SRBD1: variants seen among roughly 807,000 people sequenced by gnomAD.
SRBD1 encodes S1 RNA-binding domain-containing protein 1.
In SRBD1, 88 loss-of-function variants were observed where a neutral mutation model predicts 115.3. The ratio of observed to expected loss-of-function variants is 0.76; its 90% confidence interval spans 0.64 to 0.91. The LOEUF (loss-of-function observed/expected upper bound fraction) is 0.91, where lower values mean the gene tolerates loss of function less well. SRBD1 is among the 40% of genes least tolerant of loss of function. SRBD1 has a pLI of 0.00. For missense variants in SRBD1, 1,385 were observed against 1,177.4 expected (o/e 1.18, Z -2.58); for synonymous variants, 509 against 407.7 (o/e 1.25, Z -2.99).
intron 14 of SRBD1, among the ~76,000 whole-genome samples, chr2:45,541,571 C>T (rs765095719): frequency 2.0e-5 from 3 of 152,232 alleles, no homozygotes; most frequent in East Asian, 1.9e-4. Flanking sequence ...AGACCCAAAG[C>T]GGGCAGCTCC....
chr2:45,420,236 T>G (rs1001781720), intron 16 of SRBD1, among the ~76,000 whole-genome samples: 1 of 152,190 alleles, frequency 6.6e-6, no homozygotes, highest in South Asian at 2.1e-4. Context: ...TCAGTAGGTC[T>G]AGGGTGGGGT....
chr2:45,420,443 A>C (rs2103636277), intron 16 of SRBD1, among the ~76,000 whole-genome samples: 1 of 152,346 alleles, frequency 6.6e-6, no homozygotes, highest in South Asian at 2.1e-4. Context: ...TGTTTATATG[A>C]AGCACCATTT....
At chr2:45,554,620 T>G (rs528570353) in intron 10 of SRBD1, among the ~76,000 whole-genome samples, 4 of 152,116 alleles carry the variant, frequency 2.6e-5, no homozygotes, top group Admixed American at 1.3e-4. Context: ...GGGGAAAGAA[T>G]AGAAGAGAAA....
chr2:45,591,422 T>G (rs2104219634), intron 4 of SRBD1, among the ~76,000 whole-genome samples: 1 of 152,326 alleles, frequency 6.6e-6, no homozygotes, highest in East Asian at 1.9e-4. Flanking sequence ...GAGACTGATT[T>G]GAGTAATACT....
rs577521183 is a variant in SRBD1, at chr2:45,581,676, T to C, written c.933+17A>G. 1.3e-6 allele frequency: 2 copies of C among 1,593,304 alleles called. No individual in the cohort carries two copies. Among genetic ancestry groups the C allele is most frequent in the Non-Finnish European group, 1.7e-6 (2 of 1,166,680 alleles). On this transcript the variant is annotated intron_variant, in intron 6 of 20. Coordinates refer to ENST00000263736, the MANE Select transcript of SRBD1 (RefSeq NM_018079.5). ...TATATTCAGGTATTACATTAAAAGA[T>C]AAAAAGGATTCCTTACCACGTGTTC...
At chr2:45,574,316 C>T (rs954477705) in intron 8 of SRBD1, among the ~76,000 whole-genome samples, 1 of 152,158 alleles carries the variant, frequency 6.6e-6, no homozygotes, top group African/African-American at 2.4e-5. Context: ...CTCTAAAGGA[C>T]ATGAATCTCT....
intron 4 of SRBD1, among the ~76,000 whole-genome samples, chr2:45,588,828 G>A (rs1673628770): frequency 1.3e-5 from 2 of 152,228 alleles, no homozygotes; most frequent in South Asian, 4.1e-4. Flanking sequence ...TAAGAGAATA[G>A]TAGATTGTTT....
At chr2:45,394,637 C>T (rs1667094799) in intron 19 of SRBD1, among the ~76,000 whole-genome samples, 1 of 152,162 alleles carries the variant, frequency 6.6e-6, no homozygotes, top group Non-Finnish European at 1.5e-5. Context: ...AGAAAGGTCT[C>T]TTCACAGTGA....
At chr2:45,606,507 T>C (rs560473117) in intron 1 of SRBD1, among the ~76,000 whole-genome samples, 1 of 152,184 alleles carries the variant, frequency 6.6e-6, no homozygotes, top group Non-Finnish European at 1.5e-5. Context: ...TCTACAAAGT[T>C]GGCAATGAAA....
intron 14 of SRBD1, among the ~76,000 whole-genome samples, chr2:45,493,877 G>C (rs561386567): frequency 6.6e-6 from 1 of 151,552 alleles, no homozygotes; most frequent in African/African-American, 2.4e-5. Context: ...GAAACAAGCA[G>C]AATCATGTCC....
At chr2:45,493,056 T>C (rs1670347667) in intron 14 of SRBD1, among the ~76,000 whole-genome samples, 1 of 152,190 alleles carries the variant, frequency 6.6e-6, no homozygotes, top group Non-Finnish European at 1.5e-5. Flanking sequence ...TACAAATATC[T>C]AGCATCTTCC....
intron 11 of SRBD1, 68 bp downstream of exon 11, chr2:45,553,555 C>T (rs1558473997): frequency 3.1e-6 from 3 of 971,596 alleles, no homozygotes; most frequent in South Asian, 2.4e-5. Flanking sequence ...ATTAGCTACA[C>T]ACTGTAATGG....
intron 9 of SRBD1, among the ~76,000 whole-genome samples, chr2:45,564,207 C>T (rs1191043212): frequency 6.6e-6 from 1 of 152,134 alleles, no homozygotes; most frequent in Non-Finnish European, 1.5e-5. Flanking sequence ...ATGATCATCT[C>T]AATAGATGTG....
intron 4 of SRBD1, 85 bp downstream of exon 4, chr2:45,599,364 C>T (rs1674013370): frequency 6.7e-7 from 1 of 1,495,384 alleles, no homozygotes; most frequent in Non-Finnish European, 8.9e-7. Flanking sequence ...AACCCCCAGC[C>T]CTTCCCTTAG....
At chr2:45,451,773 A>T (rs1343863098) in intron 16 of SRBD1, among the ~76,000 whole-genome samples, 3 of 151,822 alleles carry the variant, frequency 2.0e-5, no homozygotes, top group Non-Finnish European at 4.4e-5. Context: ...AGTTCATGTA[A>T]ATGATGGCTC....
At chr2:45,486,615 C>T (rs980542113) in intron 15 of SRBD1, among the ~76,000 whole-genome samples, 4 of 151,928 alleles carry the variant, frequency 2.6e-5, no homozygotes, top group African/African-American at 9.7e-5. Flanking sequence ...CGCCTGTAGT[C>T]CCAGCTACTT....
intron 15 of SRBD1, among the ~76,000 whole-genome samples, chr2:45,479,079 C>T (rs1229207825): frequency 6.6e-6 from 1 of 152,120 alleles, no homozygotes; most frequent in Non-Finnish European, 1.5e-5. Flanking sequence ...TAGAACACCA[C>T]GAACCACACC....
At chr2:45,456,693 G>T (rs1439883659) in intron 16 of SRBD1, among the ~76,000 whole-genome samples, 2 of 151,678 alleles carry the variant, frequency 1.3e-5, no homozygotes, top group Non-Finnish European at 1.5e-5. Context: ...TTCATTTAAG[G>T]TCTTCTAAAG....
At chr2:45,574,587 G>C (rs1296063576) in intron 8 of SRBD1, 40 bp downstream of exon 8, 1 of 1,570,284 alleles carries the variant, frequency 6.4e-7, no homozygotes, top group Admixed American at 1.8e-5. Context: ...TTAACAGCAT[G>C]AGTCCATAAA....
Sources: gnomAD v4.1 joint callset for allele counts (sites outside exome capture counted in the v4.1 genomes callset) on GRCh38, gnomAD v4.1.1 for gene constraint, MANE v1.5 for transcripts, NCBI Gene and HGNC (gene_info 2026-07-23, HGNC 2026-07-21) for gene names.